GPC6: variants seen among roughly 807,000 people sequenced by gnomAD.
GPC6 encodes the protein glypican 6.
In GPC6, 14 loss-of-function variants were observed where a neutral mutation model predicts 55.2. The ratio of observed to expected loss-of-function variants is 0.25; its 90% confidence interval spans 0.17 to 0.40. The LOEUF (loss-of-function observed/expected upper bound fraction) is 0.40, where lower values mean the gene tolerates loss of function less well. Among genes scored for constraint, GPC6 ranks in the 10% least tolerant of loss-of-function variants. The pLI, the probability that GPC6 is intolerant of heterozygous loss-of-function variation, is 1.00. For missense variants in GPC6, 641 were observed against 708.5 expected (o/e 0.90, Z 1.08); for synonymous variants, 278 against 259.6 (o/e 1.07, Z -0.68).
In GPC6 at chr13:93,673,215, C is replaced by T. The variant is rs546479710; in HGVS notation, c.319+127794C>T. ...AGTGGATCATTAACCAGGAGGCAGA[C>T]CTCAGGGTCCTGCTCTCTATGGCAA... On this transcript the variant is annotated intron_variant, in intron 2 of 8. Coordinates refer to ENST00000377047, the MANE Select transcript of GPC6 (RefSeq NM_005708.5). Among the ~76,000 whole-genome samples the T allele has an allele frequency of 3.9e-4, 60 of 152,192 alleles. 1 individual carries two copies. Among genetic ancestry groups the T allele is most frequent in the African/African-American group, 1.3e-3 (56 of 41,538 alleles).
At chr13:93,739,789 G>A (rs1299689746) in intron 2 of GPC6, among the ~76,000 whole-genome samples, 2 of 152,144 alleles carry the variant, frequency 1.3e-5, no homozygotes, top group East Asian at 1.9e-4. Flanking sequence ...TAACACTAGC[G>A]TAGGGATTTA....
intron 1 of GPC6, among the ~76,000 whole-genome samples, chr13:93,466,214 T>TAAA (rs4001863): frequency 0.17 from 26,075 of 150,446 alleles, 2,741 homozygotes; most frequent in East Asian, 0.47. Flanking sequence ...TTTCAAATTG[T>TAAA]AAAAAAAAAC....
At chr13:93,368,281 TTCCC>T (rs1208185732) in intron 1 of GPC6, among the ~76,000 whole-genome samples, 19 of 126,962 alleles carry the variant, frequency 1.5e-4, no homozygotes, top group African/African-American at 2.6e-4. Flanking sequence ...CCCTCCCTCC[TTCCC>T]TCCCTCCCTC....
intron 6 of GPC6, among the ~76,000 whole-genome samples, chr13:94,317,974 C>T (rs915000124): frequency 2.6e-5 from 4 of 152,010 alleles, no homozygotes; most frequent in Non-Finnish European, 4.4e-5. Flanking sequence ...CAAATTGTAG[C>T]CAAAGAATGC....
chr13:93,992,856 A>G (rs1473625681), intron 3 of GPC6, among the ~76,000 whole-genome samples: 1 of 152,234 alleles, frequency 6.6e-6, no homozygotes, highest in Non-Finnish European at 1.5e-5. Flanking sequence ...TAGGAAAATT[A>G]TAAGTGCTAG....
chr13:93,562,349 A>G (rs1345454671), intron 2 of GPC6, among the ~76,000 whole-genome samples: 2 of 152,164 alleles, frequency 1.3e-5, no homozygotes, highest in Non-Finnish European at 2.9e-5. Context: ...TTAAACGTAT[A>G]ACATATGAAA....
intron 1 of GPC6, among the ~76,000 whole-genome samples, chr13:93,278,237 G>C (rs905142574): frequency 5.3e-5 from 8 of 152,060 alleles, no homozygotes; most frequent in Admixed American, 5.2e-4. Context: ...GAGCTGAATA[G>C]AGATTTTTTT....
At chr13:93,273,599 A>G (rs1378831408) in intron 1 of GPC6, among the ~76,000 whole-genome samples, 1 of 152,100 alleles carries the variant, frequency 6.6e-6, no homozygotes, top group Non-Finnish European at 1.5e-5. Flanking sequence ...CGGAGCTTGC[A>G]GTGAACCGAG....
chr13:94,266,276 C>T (rs1466467589), intron 4 of GPC6, among the ~76,000 whole-genome samples: 1 of 151,970 alleles, frequency 6.6e-6, no homozygotes, highest in Non-Finnish European at 1.5e-5. Context: ...TCACTCGATT[C>T]TCCTGCATCA....
At chr13:93,529,328 C>T (rs1020593828) in intron 1 of GPC6, among the ~76,000 whole-genome samples, 1 of 151,862 alleles carries the variant, frequency 6.6e-6, no homozygotes, top group Non-Finnish European at 1.5e-5. Flanking sequence ...CTAACACTTG[C>T]TAAGAAATCA....
chr13:94,246,586 G>T (rs945371713), intron 4 of GPC6, among the ~76,000 whole-genome samples: 7 of 152,014 alleles, frequency 4.6e-5, no homozygotes, highest in Non-Finnish European at 1.0e-4. Flanking sequence ...TATAAATCCA[G>T]TTTTCCCAGT....
chr13:93,553,703 A>AG (rs1209234948), intron 2 of GPC6, among the ~76,000 whole-genome samples: 7 of 150,834 alleles, frequency 4.6e-5, no homozygotes, highest in African/African-American at 1.7e-4. Flanking sequence ...TCAAAAAAAA[A>AG]AAAAAAAAAA....
At chr13:93,992,666 T>C (rs983161340) in intron 3 of GPC6, among the ~76,000 whole-genome samples, 3 of 152,206 alleles carry the variant, frequency 2.0e-5, no homozygotes, top group African/African-American at 7.2e-5. Flanking sequence ...GGCCTGGATA[T>C]TGATTATTAT....
At chr13:93,376,630 G>A (rs1210190341) in intron 1 of GPC6, among the ~76,000 whole-genome samples, 1 of 152,190 alleles carries the variant, frequency 6.6e-6, no homozygotes, top group Non-Finnish European at 1.5e-5. Flanking sequence ...GATTGTAAAT[G>A]TTGGGTAGAC....
chr13:93,597,007 C>CAAAAAAAAAAAAA (rs10709473), intron 2 of GPC6, among the ~76,000 whole-genome samples: 41 of 68,038 alleles, frequency 6.0e-4, no homozygotes, highest in African/African-American at 7.3e-4. Flanking sequence ...TCAAATCTGG[C>CAAAAAAAAAAAAA]AAAAAAAAAA....
chr13:93,979,439 A>G (rs1202810933), intron 3 of GPC6, among the ~76,000 whole-genome samples: 1 of 151,058 alleles, frequency 6.6e-6, no homozygotes, highest in Non-Finnish European at 1.5e-5. Context: ...TCATTTTTCC[A>G]CTTTCCTGAT....
At chr13:93,697,568 G>A (rs1365556415) in intron 2 of GPC6, among the ~76,000 whole-genome samples, 1 of 152,112 alleles carries the variant, frequency 6.6e-6, no homozygotes, top group Non-Finnish European at 1.5e-5. Context: ...AGCAATACCT[G>A]CCACAAATAT....
intron 2 of GPC6, among the ~76,000 whole-genome samples, chr13:93,743,766 A>T (rs1884289568): frequency 6.6e-6 from 1 of 152,154 alleles, no homozygotes; most frequent in African/African-American, 2.4e-5. Flanking sequence ...ACTAATAGAA[A>T]CAATTCAAGA....
chr13:93,635,768 A>G (rs1016278255), intron 2 of GPC6, among the ~76,000 whole-genome samples: 1 of 152,184 alleles, frequency 6.6e-6, no homozygotes, highest in Admixed American at 6.5e-5. Context: ...AGCACAGAAC[A>G]TATCTTTTCA....
Sources: gnomAD v4.1 joint callset for allele counts (sites outside exome capture counted in the v4.1 genomes callset) on GRCh38, gnomAD v4.1.1 for gene constraint, MANE v1.5 for transcripts, NCBI Gene and HGNC (gene_info 2026-07-23, HGNC 2026-07-21) for gene names.